Variants in LTBP1 observed in about 807,000 individuals in gnomAD.
LTBP1 encodes the protein latent-transforming growth factor beta-binding protein 1.
In LTBP1, 129 loss-of-function variants were observed where a neutral mutation model predicts 207.6. That is an observed-to-expected ratio of 0.62 (90% CI 0.54 to 0.72). LTBP1 has a LOEUF of 0.72. LTBP1 is among the 30% of genes least tolerant of loss of function. LTBP1 has a pLI of 0.00. For missense variants in LTBP1, 2,281 were observed against 2,217.2 expected, an observed-to-expected ratio of 1.03 and a Z score of -0.58; for synonymous variants, 963 against 833.7, an observed-to-expected ratio of 1.16 and a Z score of -2.67.
chr2:33,339,616 A>G (rs73925691), intron 24 of LTBP1, among the ~76,000 whole-genome samples: 8,706 of 150,592 alleles, frequency 0.058, 845 homozygotes, highest in African/African-American at 0.2. Context: ...AGGGAGATTC[A>G]TTTTTTAGAC....
At chr2:32,987,047 G>A (rs1201739372) in intron 2 of LTBP1, among the ~76,000 whole-genome samples, 2 of 152,158 alleles carry the variant, frequency 1.3e-5, no homozygotes, top group East Asian at 1.9e-4. Context: ...TGGACTGTGG[G>A]TGCATTGTGG....
intron 15 of LTBP1, among the ~76,000 whole-genome samples, chr2:33,268,094 TATAG>T (rs1442381382): frequency 6.6e-6 from 1 of 152,216 alleles, no homozygotes; most frequent in Admixed American, 6.5e-5. Flanking sequence ...GGGGGAACAG[TATAG>T]ATAGTCTTTG....
intron 19 of LTBP1, among the ~76,000 whole-genome samples, chr2:33,285,032 A>ATTTTTTTTTTTTTTTTTTTTTTTTTT (rs1328883301): frequency 7.3e-6 from 1 of 137,256 alleles, no homozygotes; most frequent in African/African-American, 2.8e-5. Context: ...TATGTATCAC[A>ATTTTTTTTTTTTTTTTTTTTTTTTTT]TTCTTTTTTT....
chr2:33,180,653 G>T (rs1264312327), intron 5 of LTBP1, among the ~76,000 whole-genome samples: 1 of 151,964 alleles, frequency 6.6e-6, no homozygotes, highest in African/African-American at 2.4e-5. Context: ...ACGGGGGTAT[G>T]CCTTGTTGAC....
intron 2 of LTBP1, among the ~76,000 whole-genome samples, chr2:32,949,898 G>A (rs551865645): frequency 3.0e-4 from 45 of 152,258 alleles, no homozygotes; most frequent in Non-Finnish European, 5.4e-4. Flanking sequence ...TGGCATAATG[G>A]CCTTACTTTT....
intron 2 of LTBP1, among the ~76,000 whole-genome samples, chr2:32,954,424 C>A (rs1426005050): frequency 6.6e-6 from 1 of 152,096 alleles, no homozygotes; most frequent in African/African-American, 2.4e-5. Flanking sequence ...CTCTCCTTGG[C>A]CTGTAGATGG....
At chr2:33,388,858 A>G (rs553084073) in intron 31 of LTBP1, among the ~76,000 whole-genome samples, 1 of 152,198 alleles carries the variant, frequency 6.6e-6, no homozygotes. Context: ...AGATAAAGCC[A>G]TCCTTCCAAA....
chr2:33,149,593 A>G (rs1186860164), intron 5 of LTBP1, among the ~76,000 whole-genome samples: 3 of 152,198 alleles, frequency 2.0e-5, no homozygotes, highest in Admixed American at 6.5e-5. Flanking sequence ...TTTACATTTG[A>G]TAATTTGTAT....
chr2:33,323,086 CA>C (rs1294313029), intron 24 of LTBP1, among the ~76,000 whole-genome samples: 1 of 152,240 alleles, frequency 6.6e-6, no homozygotes, highest in East Asian at 1.9e-4. Context: ...AATGGAAAGT[CA>C]AAAATGCATC....
chr2:33,301,712 A>C, intron 22 of LTBP1, 68 bp downstream of exon 22: 6 of 1,379,782 alleles, frequency 4.3e-6, no homozygotes, highest in Non-Finnish European at 5.8e-6. Context: ...GCATCATCTC[A>C]GCCTTGATCT....
chr2:33,004,809 A>ATATATATATATATATATATATATG (rs1298591734), intron 2 of LTBP1, among the ~76,000 whole-genome samples: 5 of 145,498 alleles, frequency 3.4e-5, no homozygotes, highest in African/African-American at 1.0e-4. Context: ...ATATATATAT[A>ATATATATATATATATATATATATG]TATATAAACA....
At chr2:33,170,133 G>A (rs930679844) in intron 5 of LTBP1, among the ~76,000 whole-genome samples, 7 of 152,178 alleles carry the variant, frequency 4.6e-5, no homozygotes, top group Non-Finnish European at 8.8e-5. Context: ...ATCTCACTAG[G>A]GAGTGCCAGA....
chr2:33,039,958 G>A (rs140407613), intron 3 of LTBP1, among the ~76,000 whole-genome samples: 1 of 152,120 alleles, frequency 6.6e-6, no homozygotes. Context: ...AGGAGAGTAG[G>A]TGTAAAATCT....
chr2:33,161,665 T>C (rs78043657), intron 5 of LTBP1, among the ~76,000 whole-genome samples: 2,403 of 152,348 alleles, frequency 0.016, 38 homozygotes, highest in Non-Finnish European at 0.025. Flanking sequence ...AAAGTAGATA[T>C]GTTATTTTCT....
intron 3 of LTBP1, among the ~76,000 whole-genome samples, chr2:33,086,484 G>T (rs1339140130): frequency 6.6e-6 from 1 of 152,202 alleles, no homozygotes; most frequent in Non-Finnish European, 1.5e-5. Flanking sequence ...AATGGAGCTT[G>T]CCATTGACTT....
At chr2:33,308,583 A>G (rs1276760034) in intron 22 of LTBP1, among the ~76,000 whole-genome samples, 2 of 152,176 alleles carry the variant, frequency 1.3e-5, no homozygotes, top group Non-Finnish European at 2.9e-5. Flanking sequence ...CTTTGTCTAA[A>G]TGCATATGAC....
intron 19 of LTBP1, among the ~76,000 whole-genome samples, chr2:33,286,247 T>G (rs189201057): frequency 6.6e-6 from 1 of 152,214 alleles, no homozygotes; most frequent in Non-Finnish European, 1.5e-5. Flanking sequence ...AATGTAGGTC[T>G]TGGGTATTTG....
chr2:33,186,118 T>G (rs1192778625), intron 5 of LTBP1, among the ~76,000 whole-genome samples: 1 of 152,228 alleles, frequency 6.6e-6, no homozygotes, highest in Non-Finnish European at 1.5e-5. Flanking sequence ...TACACAAGAT[T>G]GCAAATTCCT....
rs549848027 is a variant in LTBP1, at chr2:33,019,482, C to T, written c.566-1427C>T. On this transcript the variant is annotated intron_variant, in intron 2 of 33. Coordinates refer to ENST00000404816, the MANE Select transcript of LTBP1 (RefSeq NM_206943.4). ...TTCCGAGAACTGGGATTACAGGCCC[C>T]TGCCACCACACTCGGCTAGTTTTTG... 3.2e-4 allele frequency among the ~76,000 whole-genome samples: 49 copies of T among 151,776 alleles called. 1 individual carries two copies. In the South Asian group the frequency reaches 4.6e-3, roughly 14 times the overall value.
Sources: allele counts gnomAD v4.1 joint callset (sites outside exome capture counted in the v4.1 genomes callset), GRCh38; gene constraint gnomAD v4.1.1; transcripts MANE v1.5; gene names NCBI Gene and HGNC (gene_info 2026-07-23, HGNC 2026-07-21).